Variants in KMT2C observed in about 807,000 individuals in gnomAD.
KMT2C encodes histone-lysine N-methyltransferase 2C.
Under a neutral mutation model 507.9 loss-of-function variants are expected in KMT2C, and 88 were observed. That is an observed-to-expected ratio of 0.17 (90% CI 0.15 to 0.21). KMT2C has a LOEUF of 0.21. Among genes scored for constraint, KMT2C ranks in the 10% least tolerant of loss-of-function variants. The probability of loss-of-function intolerance (pLI) is 1.00; values close to 1 mark genes in which losing one functional copy is unlikely to be tolerated. For missense variants in KMT2C, 4,954 were observed against 5,957.8 expected (o/e 0.83, Z 5.55); for synonymous variants, 2,049 against 2,080.8 (o/e 0.98, Z 0.42).
Position 152,138,900 on chromosome 7 carries a change from T to C in KMT2C, c.14539A>G (p.Ile4847Val), listed in dbSNP as rs1374055649. ...CAATTAGGTGCACACGAATGGTTGA[T>C]ATACCTGCAAGCCACCATGTCAGAA... ...ATLTGGPARY[I>V]NHSCAPNCVA... The change falls in exon 58 of 59, where the codon ATC becomes GTC. Residue 4847 changes from isoleucine (I) to valine (V), a missense_variant. Ile to Val is a conservative substitution (Grantham distance 29). Around this residue, in one of 29 missense-constraint regions of KMT2C, gnomAD observed 133 missense variants for 258.9 expected, o/e 0.51. Coordinates refer to ENST00000262189, the MANE Select transcript of KMT2C (RefSeq NM_170606.3). This position sits in a 1 kb window ranked among gnomAD's most constrained non-coding sequence, Gnocchi z 4.2. 1.2e-6 allele frequency: 2 copies of C among 1,611,726 alleles called. No homozygotes were observed. Among genetic ancestry groups the C allele is most frequent in the East Asian group, 2.2e-5 (1 of 44,894 alleles).
chr7:152,428,808 C>G (rs1465980851), intron 1 of KMT2C, among the ~76,000 whole-genome samples: 4 of 152,112 alleles, frequency 2.6e-5, no homozygotes, highest in Non-Finnish European at 5.9e-5. Context: ...CTCCCCAACC[C>G]AAGGTCTAAA....
In KMT2C at chr7:152,390,246, G is replaced by T. The variant is rs552376759; in HGVS notation, c.162-31571C>A. Among the ~76,000 whole-genome samples the T allele has an allele frequency of 5.8e-5, 6 of 104,108 alleles. No homozygotes were observed. The South Asian group carries it at 1.8e-3, about 32-fold the overall frequency. The allele number at this position is 104,108 out of a possible 152,430, so 68.3% of individuals were successfully genotyped here. On this transcript the variant is annotated intron_variant, in intron 1 of 58. Transcript: ENST00000262189. ...TTTTTTTAAATTGTAAAGAAAAAAAGTATTAAATGACATAACTAAATATTC... is the reference window on the plus strand; with the variant it reads ...TTTTTTTAAATTGTAAAGAAAAAAATTATTAAATGACATAACTAAATATTC...
At chr7:152,350,589 T>C (rs1198329447) in intron 2 of KMT2C, among the ~76,000 whole-genome samples, 1 of 152,146 alleles carries the variant, frequency 6.6e-6, no homozygotes, top group African/African-American at 2.4e-5. Context: ...ATGGTAAGAA[T>C]ACAGTGTAAA....
chr7:152,344,293 T>C (rs1271427463), intron 2 of KMT2C, among the ~76,000 whole-genome samples: 1 of 152,194 alleles, frequency 6.6e-6, no homozygotes, highest in Non-Finnish European at 1.5e-5. Flanking sequence ...ATATCCAGTA[T>C]GCTTTTTCAA....
At chr7:152,334,741 A>G (rs1042082388) in intron 2 of KMT2C, among the ~76,000 whole-genome samples, 4 of 152,214 alleles carry the variant, frequency 2.6e-5, no homozygotes, top group Admixed American at 2.6e-4. Flanking sequence ...ATGAGGCGCA[A>G]TGCTCCAGGT....
intron 1 of KMT2C, among the ~76,000 whole-genome samples, chr7:152,369,454 CA>C (rs1309061822): frequency 2.0e-5 from 3 of 152,114 alleles, no homozygotes; most frequent in African/African-American, 7.2e-5. Context: ...AAGATTCCAG[CA>C]AAACTAACAC....
intron 1 of KMT2C, among the ~76,000 whole-genome samples, chr7:152,401,998 T>C (rs2097577557): frequency 6.6e-6 from 1 of 152,298 alleles, no homozygotes; most frequent in Non-Finnish European, 1.5e-5. Context: ...TAATCCTAGC[T>C]ACTCGGGAGG....
At chr7:152,199,949 AC>A (rs1455139780) in intron 26 of KMT2C, among the ~76,000 whole-genome samples, 1 of 152,208 alleles carries the variant, frequency 6.6e-6, no homozygotes, top group African/African-American at 2.4e-5. Flanking sequence ...ATTTACAGCT[AC>A]TAAAGGCTTG....
chr7:152,301,297 G>A (rs1268267458), intron 6 of KMT2C, among the ~76,000 whole-genome samples: 1 of 151,648 alleles, frequency 6.6e-6, no homozygotes, highest in East Asian at 1.9e-4. Context: ...AAGGTCAGGA[G>A]TTCGAGACCA....
chr7:152,364,760 A>G (rs1334998448), intron 1 of KMT2C, among the ~76,000 whole-genome samples: 2 of 152,214 alleles, frequency 1.3e-5, no homozygotes, highest in East Asian at 3.8e-4. Context: ...AAAAATGACA[A>G]CACAGCTACA....
At chr7:152,384,579 CA>C (rs2097405331) in intron 1 of KMT2C, among the ~76,000 whole-genome samples, 1 of 141,874 alleles carries the variant, frequency 7.0e-6, no homozygotes, top group Admixed American at 7.1e-5. Flanking sequence ...CCACCACCAC[CA>C]CCACCACCAC....
chr7:152,155,617 T>C (rs2091987716), intron 46 of KMT2C, among the ~76,000 whole-genome samples: 1 of 152,210 alleles, frequency 6.6e-6, no homozygotes, highest in African/African-American at 2.4e-5. Context: ...GCATGGAGAT[T>C]TTCCACTACC....
At chr7:152,368,536 G>T in intron 1 of KMT2C, 1 of 1,364,088 alleles carries the variant, frequency 7.3e-7, no homozygotes, top group Non-Finnish European at 1.0e-6. Context: ...ACAGCACAAA[G>T]AATTAGAGGA....
At chr7:152,209,183 A>G (rs1179063677) in intron 23 of KMT2C, among the ~76,000 whole-genome samples, 1 of 151,168 alleles carries the variant, frequency 6.6e-6, no homozygotes, top group African/African-American at 2.4e-5. Context: ...AAGGCCAGGC[A>G]CGGTGGCTCA....
At chr7:152,401,237 C>A (rs1034620425) in intron 1 of KMT2C, among the ~76,000 whole-genome samples, 1 of 152,096 alleles carries the variant, frequency 6.6e-6, no homozygotes, top group Non-Finnish European at 1.5e-5. Context: ...CAGGCATACG[C>A]CACCACGAAT....
At position 152,181,029 on chromosome 7, in the gene KMT2C, C is replaced by T. The variant is rs1177487202; in HGVS notation, c.6831G>A (p.Arg2277=). Residue 2277 remains arginine (R), a synonymous_variant, in exon 36 of 59, where the codon AGG becomes AGA. Transcript: ENST00000262189. ...TGTCTGAAAGACCAGGTCCAGGGGG[C>T]CTAGGTGTCTGGGAACATGTATCAG... ...RPPDTCSQTP[R]PPGPGLSDTF... is the part of the protein sequence containing the mutation. 5.6e-6 allele frequency: 9 copies of T among 1,613,940 alleles called. No homozygotes were observed. The highest frequency in any genetic ancestry group is 7.6e-6 in the Non-Finnish European group (9 of 1,180,022).
intron 1 of KMT2C, among the ~76,000 whole-genome samples, chr7:152,401,148 C>T (rs547954872): frequency 2.7e-5 from 4 of 150,890 alleles, no homozygotes; most frequent in Admixed American, 6.6e-5. Flanking sequence ...TGCAATGGCA[C>T]CATCTCGGCT....
At chr7:152,352,628 A>T (rs2097122848) in intron 2 of KMT2C, among the ~76,000 whole-genome samples, 1 of 152,226 alleles carries the variant, frequency 6.6e-6, no homozygotes, top group Non-Finnish European at 1.5e-5. Context: ...GGGAAAATAG[A>T]AAAGAACCTA....
chr7:152,223,631 T>C (rs1412628484), intron 20 of KMT2C, among the ~76,000 whole-genome samples: 6 of 151,914 alleles, frequency 3.9e-5, no homozygotes, highest in Non-Finnish European at 8.8e-5. Flanking sequence ...CTGTCTCTAC[T>C]AAAAATACAA....
Sources: allele counts gnomAD v4.1 joint callset (sites outside exome capture counted in the v4.1 genomes callset), GRCh38; gene constraint gnomAD v4.1.1; regional missense constraint gnomAD v4.1.1; non-coding constraint Gnocchi (gnomAD v3.1); transcripts MANE v1.5; gene names NCBI Gene and HGNC (gene_info 2026-07-23, HGNC 2026-07-21).